SEPTIN6: variants seen among roughly 807,000 people sequenced by gnomAD.
SEPTIN6 encodes septin 6, also known as septin-6.
Under a neutral mutation model 33.6 loss-of-function variants are expected in SEPTIN6, and 8 were observed. That is an observed-to-expected ratio of 0.24 (90% CI 0.14 to 0.43). The LOEUF is 0.43. Ranked by LOEUF, SEPTIN6 falls within the 20% of genes least tolerant of loss-of-function variation. The pLI, the probability that SEPTIN6 is intolerant of heterozygous loss-of-function variation, is 1.00. For missense variants in SEPTIN6, 250 were observed against 340.8 expected (o/e 0.73, Z 2.10); for synonymous variants, 131 against 140.0 (o/e 0.94, Z 0.45).
chrX:119,637,654 TATCC>T (rs35208481), intron 6 of SEPTIN6, among the ~76,000 whole-genome samples: 283 of 91,892 alleles, frequency 3.1e-3, no homozygotes, highest in African/African-American at 4.8e-3. Context: ...TCCATCTATC[TATCC>T]ATCCATCCAT....
In SEPTIN6 at chrX:119,633,219, G is replaced by A. The variant is rs1480510950; in HGVS notation, c.1089+141C>T. 1.3e-4 allele frequency: 73 copies of A among 542,420 alleles called. No homozygotes were observed. In the East Asian group the frequency reaches 2.4e-3, roughly 18 times the overall value. 44.7% of individuals were successfully genotyped at this position (542,420 alleles called of 1,213,427 possible). On this transcript the variant is annotated intron_variant, in intron 8 of 10. Transcript: ENST00000394610. ...ATGGCATTTCTGATTCTAGGTCTTT[G>A]AGGAATCACCACACTGTCTTCCACA...
intron 8 of SEPTIN6, among the ~76,000 whole-genome samples, chrX:119,632,257 G>A (rs185530531): frequency 0.012 from 1,264 of 107,416 alleles, 17 homozygotes; most frequent in African/African-American, 0.041. Context: ...GTACAGTGGC[G>A]CGATCTCGGC....
intron 5 of SEPTIN6, among the ~76,000 whole-genome samples, chrX:119,642,193 A>AG (rs2054169428): frequency 1.8e-5 from 2 of 109,484 alleles, no homozygotes; most frequent in African/African-American, 6.7e-5. Context: ...AAAAAAAAAA[A>AG]AAAAGAAAAA....
chrX:119,677,796 G>A (rs1340099982), intron 1 of SEPTIN6, among the ~76,000 whole-genome samples: 1 of 112,681 alleles, frequency 8.9e-6, no homozygotes. Flanking sequence ...AAGCGACAGG[G>A]CTAGTGCCGG....
intron 1 of SEPTIN6, among the ~76,000 whole-genome samples, chrX:119,689,802 C>T (rs753290183): frequency 9.1e-6 from 1 of 110,321 alleles, no homozygotes; most frequent in Admixed American, 9.7e-5. Flanking sequence ...GCAATCTTGG[C>T]TCACTGCAAC....
chrX:119,675,880 T>C (rs1239699308), intron 1 of SEPTIN6, among the ~76,000 whole-genome samples: 1 of 110,505 alleles, frequency 9.0e-6, no homozygotes, highest in Non-Finnish European at 1.9e-5. Context: ...CTAGGCTCAA[T>C]AGTGAATGTC....
chrX:119,657,536 G>A (rs891325900), intron 3 of SEPTIN6, among the ~76,000 whole-genome samples: 5 of 110,781 alleles, frequency 4.5e-5, no homozygotes, highest in Admixed American at 2.9e-4. Context: ...TTTTAGAGAC[G>A]AGGCCTCGCT....
intron 3 of SEPTIN6, 30 bp downstream of exon 3, chrX:119,663,452 C>CCCCCAAA: frequency 1.4e-6 from 1 of 693,257 alleles, no homozygotes. Context: ...CCAACCTCCC[C>CCCCCAAA]ACCCTACCCC....
At chrX:119,675,427 G>T in intron 2 of SEPTIN6, 127 bp downstream of exon 2, 1 of 353,463 alleles carries the variant, frequency 2.8e-6, no homozygotes, top group Admixed American at 5.9e-5. Flanking sequence ...GATAAAAGAA[G>T]AGGGGAGAGA....
At chrX:119,635,345 A>G (rs73214931) in intron 7 of SEPTIN6, among the ~76,000 whole-genome samples, 21 of 111,073 alleles carry the variant, frequency 1.9e-4, no homozygotes, top group Non-Finnish European at 4.0e-4. Context: ...CTTGGGAACC[A>G]TCTACTTCTA....
At chrX:119,616,753 G>GAGAGAA (rs1569415211), downstream of SEPTIN6, 1 of 1,182,664 alleles carries the variant, frequency 8.5e-7, no homozygotes, top group African/African-American at 1.8e-5. Context: ...CTGGAAAGGA[G>GAGAGAA]AGAGAAAGAG....
At chrX:119,671,587 C>T (rs2054750044) in intron 2 of SEPTIN6, among the ~76,000 whole-genome samples, 1 of 109,674 alleles carries the variant, frequency 9.1e-6, no homozygotes, top group African/African-American at 3.3e-5. Context: ...CGCGCCTGGC[C>T]CTCTACACAA....
At chrX:119,641,171 T>C (rs1162649161) in intron 5 of SEPTIN6, among the ~76,000 whole-genome samples, 1 of 111,337 alleles carries the variant, frequency 9.0e-6, no homozygotes, top group East Asian at 2.8e-4. Context: ...ATAGAGAGGA[T>C]AAAGGAGTAC....
chrX:119,661,362 C>T (rs983065314), intron 3 of SEPTIN6, among the ~76,000 whole-genome samples: 1 of 110,656 alleles, frequency 9.0e-6, no homozygotes, highest in Admixed American at 9.7e-5. Flanking sequence ...ACCCAGGAGG[C>T]GGAGCTTGCA....
At chrX:119,624,681 G>A (rs1204139964) in intron 10 of SEPTIN6, among the ~76,000 whole-genome samples, 3 of 110,854 alleles carry the variant, frequency 2.7e-5, no homozygotes, top group African/African-American at 6.6e-5. Context: ...TCATCACCAC[G>A]GTTTCATTAA....
intron 1 of SEPTIN6, chrX:119,686,629 C>G: frequency 1.0e-6 from 1 of 966,397 alleles, no homozygotes; most frequent in Non-Finnish European, 1.3e-6. Context: ...ATCCCAGCAG[C>G]AGAAGCCTCC....
chrX:119,678,882 G>A (rs1004138274), intron 1 of SEPTIN6, among the ~76,000 whole-genome samples: 5 of 111,556 alleles, frequency 4.5e-5, no homozygotes, highest in Non-Finnish European at 9.4e-5. Flanking sequence ...AAAAGGAGAG[G>A]AAATGAATTT....
intron 9 of SEPTIN6, among the ~76,000 whole-genome samples, chrX:119,628,264 A>AAGCGCGC (rs1187688096): frequency 1.9e-5 from 2 of 104,386 alleles, no homozygotes; most frequent in African/African-American, 3.6e-5. Flanking sequence ...TTGGGACTAC[A>AAGCGCGC]GGCAGCTAAT....
At chrX:119,681,820 T>C (rs1379416673) in intron 1 of SEPTIN6, among the ~76,000 whole-genome samples, 1 of 111,617 alleles carries the variant, frequency 9.0e-6, no homozygotes, top group Non-Finnish European at 1.9e-5. Context: ...GTGGCTCGCT[T>C]GAGCCCAGGA....
Sources: allele counts gnomAD v4.1 joint callset (sites outside exome capture counted in the v4.1 genomes callset), GRCh38; gene constraint gnomAD v4.1.1; transcripts MANE v1.5; gene names NCBI Gene and HGNC (gene_info 2026-07-23, HGNC 2026-07-21).